The following RXRA variants were observed in gnomAD, a reference collection of about 807,000 sequenced individuals.
RXRA encodes the protein retinoid X receptor alpha.
RXRA carries 5 observed loss-of-function variants against 44.5 expected under a neutral mutation model. The ratio of observed to expected loss-of-function variants is 0.11; its 90% CI spans 0.06 to 0.24. The LOEUF (loss-of-function observed/expected upper bound fraction) is 0.24. Among genes scored for constraint, RXRA ranks in the 10% least tolerant of loss-of-function variants. RXRA has a pLI of 1.00. For missense variants in RXRA, 412 were observed against 646.5 expected, an observed-to-expected ratio of 0.64 and a Z score of 3.93; for synonymous variants, 291 against 271.4, an observed-to-expected ratio of 1.07 and a Z score of -0.71.
At chr9:134,346,525 G>T (rs1291843017) in intron 1 of RXRA, among the ~76,000 whole-genome samples, 1 of 152,194 alleles carries the variant, frequency 6.6e-6, no homozygotes, top group African/African-American at 2.4e-5. Context: ...TCCCGGGCGT[G>T]TTGGGGGCTC....
chr9:134,384,223 C>T (rs965392003), intron 1 of RXRA, among the ~76,000 whole-genome samples: 1 of 152,140 alleles, frequency 6.6e-6, no homozygotes. Flanking sequence ...TACTGTCACC[C>T]CGGCGGGGAG....
At chr9:134,408,391 C>T (rs1045923318) in intron 3 of RXRA, 92 bp downstream of exon 3, 1 of 1,356,048 alleles carries the variant, frequency 7.4e-7, no homozygotes, top group East Asian at 2.6e-5. Context: ...CTCCTGTGGG[C>T]CAAGCAGGAC....
intron 1 of RXRA, among the ~76,000 whole-genome samples, chr9:134,350,301 C>T (rs1036749993): frequency 6.6e-6 from 1 of 152,144 alleles, no homozygotes; most frequent in African/African-American, 2.4e-5. Flanking sequence ...TGGCATCGCT[C>T]TCTGGCCCCC....
chr9:134,435,299 G>A (rs375297504), intron 9 of RXRA, among the ~76,000 whole-genome samples: 10 of 152,116 alleles, frequency 6.6e-5, no homozygotes, highest in South Asian at 2.1e-4. Flanking sequence ...ACCTGGTTCC[G>A]TCCCCATAGC....
chr9:134,361,344 C>T (rs570427047), intron 1 of RXRA, among the ~76,000 whole-genome samples: 3 of 152,304 alleles, frequency 2.0e-5, no homozygotes, highest in African/African-American at 4.8e-5. Context: ...CCCTGAGCCC[C>T]CAAGCCGTTC....
At chr9:134,362,482 C>T (rs931895040) in intron 1 of RXRA, among the ~76,000 whole-genome samples, 11 of 152,220 alleles carry the variant, frequency 7.2e-5, no homozygotes, top group Admixed American at 2.6e-4. Flanking sequence ...CCCCAGCTCC[C>T]GCCAGACCGT....
rs1830118619 is a variant in RXRA, at chr9:134,343,965, G to C, written c.28+17306G>C. 6.6e-6 allele frequency among the ~76,000 whole-genome samples: 1 copy of C among 152,126 alleles called. No individual in the cohort carries two copies. Among genetic ancestry groups the C allele is most frequent in the Non-Finnish European group, 1.5e-5 (1 of 68,008 alleles). ...ATCTCCCCATAGGCCCTCCCCACAG[G>C]ATGCAGCCCTTCCTCATGGGGCCTG... is the stretch of plus-strand genomic sequence containing the variant. On this transcript the variant is annotated intron_variant, in intron 1 of 9. Coordinates refer to ENST00000481739, the MANE Select transcript of RXRA (RefSeq NM_002957.6). This position sits in a 1 kb window ranked among gnomAD's most constrained non-coding sequence, Gnocchi z 4.1.
chr9:134,398,373 A>AAG (rs201666426), intron 1 of RXRA, among the ~76,000 whole-genome samples: 1 of 33,936 alleles, frequency 2.9e-5, no homozygotes, highest in African/African-American at 3.2e-4. Flanking sequence ...CAGAGCCCAC[A>AAG]CACGGGGCCC....
intron 4 of RXRA, among the ~76,000 whole-genome samples, chr9:134,410,629 G>T (rs1041356683): frequency 3.9e-5 from 6 of 152,228 alleles, no homozygotes; most frequent in Admixed American, 3.3e-4. Context: ...AGGCATAGTA[G>T]GCAGTGGCCG....
At chr9:134,341,868 G>A (rs146359794) in intron 1 of RXRA, among the ~76,000 whole-genome samples, 84 of 152,270 alleles carry the variant, frequency 5.5e-4, no homozygotes, top group African/African-American at 2.0e-3. Context: ...AGCTGGGTGC[G>A]TGACTGGCAG....
chr9:134,370,018 G>T (rs995305845), intron 1 of RXRA, among the ~76,000 whole-genome samples: 1 of 152,192 alleles, frequency 6.6e-6, no homozygotes, highest in Admixed American at 6.5e-5. Flanking sequence ...AGCACAGCCC[G>T]TTTCCCTTTG....
chr9:134,415,861 C>T (rs1396779398), intron 4 of RXRA, among the ~76,000 whole-genome samples: 3 of 152,158 alleles, frequency 2.0e-5, no homozygotes, highest in Non-Finnish European at 2.9e-5. Flanking sequence ...CAGAGGTGGC[C>T]GCAGGACCCC....
intron 1 of RXRA, among the ~76,000 whole-genome samples, chr9:134,337,974 G>A (rs140583750): frequency 1.1e-3 from 171 of 152,348 alleles, no homozygotes; most frequent in African/African-American, 4.0e-3. Context: ...CAGTGCTCAC[G>A]GAGGGCCCCT....
chr9:134,364,383 T>C (rs1325328165), intron 1 of RXRA, among the ~76,000 whole-genome samples: 1 of 152,214 alleles, frequency 6.6e-6, no homozygotes, highest in Non-Finnish European at 1.5e-5. Context: ...GATGGGCAGC[T>C]GACCCTCAGA....
Position 134,365,105 on chromosome 9 carries a change from G to T in RXRA, c.29-36527G>T, listed in dbSNP as rs1830397327. Among the ~76,000 whole-genome samples, 1 of 152,234 alleles carries T rather than the reference G, an allele frequency of 6.6e-6. No homozygotes were observed. Among genetic ancestry groups the T allele is most frequent in the Non-Finnish European group, 1.5e-5 (1 of 68,040 alleles). On this transcript the variant is annotated intron_variant, in intron 1 of 9. Transcript: ENST00000481739. The surrounding 1 kb of genome is among the most constrained non-coding windows in gnomAD (Gnocchi z 4.0). ...AGGTGGGGTCTGGTGCTGGCAGGAGGGGGCGGGGTGAGCCAATGGCTCCGG... is the reference window on the plus strand; with the variant it reads ...AGGTGGGGTCTGGTGCTGGCAGGAGTGGGCGGGGTGAGCCAATGGCTCCGG...
At chr9:134,393,777 C>T (rs1159126012) in intron 1 of RXRA, among the ~76,000 whole-genome samples, 1 of 152,164 alleles carries the variant, frequency 6.6e-6, no homozygotes, top group Non-Finnish European at 1.5e-5. Context: ...GGGGAGCCCC[C>T]TCCTGAGCAC....
At chr9:134,387,547 A>G (rs1319865009) in intron 1 of RXRA, among the ~76,000 whole-genome samples, 1 of 152,240 alleles carries the variant, frequency 6.6e-6, no homozygotes, top group Non-Finnish European at 1.5e-5. Context: ...GCATTGATGG[A>G]TGCCAGGCGA....
chr9:134,345,987 G>T (rs1554748730), intron 1 of RXRA, among the ~76,000 whole-genome samples: 4 of 152,120 alleles, frequency 2.6e-5, no homozygotes, highest in Non-Finnish European at 5.9e-5. Context: ...CCTGATACAT[G>T]TGCGTCTTAC....
intron 1 of RXRA, among the ~76,000 whole-genome samples, chr9:134,338,768 A>G (rs927796956): frequency 2.0e-5 from 3 of 152,156 alleles, no homozygotes; most frequent in Non-Finnish European, 4.4e-5. Flanking sequence ...AGACCCCTGC[A>G]CTGTGCCCAG....
Sources: gnomAD v4.1 joint callset for allele counts (sites outside exome capture counted in the v4.1 genomes callset) on GRCh38, gnomAD v4.1.1 for gene constraint, Gnocchi (gnomAD v3.1) non-coding constraint, MANE v1.5 for transcripts, NCBI Gene and HGNC (gene_info 2026-07-23, HGNC 2026-07-21) for gene names.